SYT16: variants seen among roughly 807,000 people sequenced by gnomAD.
SYT16 encodes synaptotagmin 16, also known as synaptotagmin-16.
SYT16 carries 42 observed loss-of-function variants against 61.4 expected under a neutral mutation model. That is an observed-to-expected ratio of 0.68 (90% CI 0.53 to 0.89). The LOEUF is 0.89. Ranked by LOEUF, SYT16 falls within the 40% of genes least tolerant of loss-of-function variation. The pLI is 0.00. For synonymous variants in SYT16, 314 were observed against 302.3 expected (o/e 1.04, Z -0.40); for missense variants, 804 against 807.3 (o/e 1.00, Z 0.05).
chr14:62,100,800 T>C lies in SYT16; in HGVS notation c.*93T>C, dbSNP rs139195591. 892 of 1,332,896 alleles carry C rather than the reference T, an allele frequency of 6.7e-4. 6 individuals carry two copies. In the African/African-American group the frequency reaches 0.012, roughly 18 times the overall value. 82.6% of individuals were successfully genotyped at this position (1,332,896 alleles called of 1,614,324 possible). A position where few individuals can be genotyped will look rare whatever the true frequency, so the allele number is the denominator to read the frequency against. ...GTGTCCTGGCAAGGGTTTCAGGGTT[T>C]CAAAAACAGATTCCACTAACCCCTA... is the stretch of plus-strand genomic sequence containing the variant. On this transcript the variant is annotated 3_prime_UTR_variant, in exon 8 of 8. Transcript: ENST00000683842.
intron 1 of SYT16, among the ~76,000 whole-genome samples, chr14:61,842,916 A>G (rs2140255632): frequency 6.6e-6 from 1 of 152,310 alleles, no homozygotes; most frequent in African/African-American, 2.4e-5. Flanking sequence ...CCTAAAACTT[A>G]AAGTATAATA....
At chr14:61,993,769 A>G (rs780641904) in intron 2 of SYT16, among the ~76,000 whole-genome samples, 2 of 152,210 alleles carry the variant, frequency 1.3e-5, no homozygotes, top group Non-Finnish European at 2.9e-5. Context: ...TCTTTTTAAC[A>G]GTTCTGGATA....
rs374223050 is a variant in SYT16, at chr14:61,935,897, A to G, written c.-324-34235A>G. Among the ~76,000 whole-genome samples, 20 of 152,318 alleles carry G rather than the reference A, an allele frequency of 1.3e-4. No homozygotes were observed. The East Asian group carries it at 2.1e-3, about 16-fold the overall frequency. On this transcript the variant is annotated intron_variant, in intron 1 of 7. Coordinates refer to ENST00000683842, the MANE Select transcript of SYT16 (RefSeq NM_001367656.1). ...ATAGTACATTTTTTCATAATCATCA[A>G]TGTTTTAATACATTGAGTAAAGGGC...
At chr14:62,006,965 A>G (rs2053251069) in intron 3 of SYT16, among the ~76,000 whole-genome samples, 1 of 152,150 alleles carries the variant, frequency 6.6e-6, no homozygotes, top group South Asian at 2.1e-4. Flanking sequence ...AAAATATAGA[A>G]CAACAGGCTT....
intron 7 of SYT16, among the ~76,000 whole-genome samples, chr14:62,090,829 T>C (rs1318838810): frequency 6.6e-6 from 1 of 152,190 alleles, no homozygotes; most frequent in Non-Finnish European, 1.5e-5. Context: ...TCCACGTGGC[T>C]AGGGAGGCCT....
chr14:62,046,247 CT>C (rs1328546093), intron 3 of SYT16, among the ~76,000 whole-genome samples: 3 of 152,140 alleles, frequency 2.0e-5, no homozygotes, highest in African/African-American at 7.2e-5. Context: ...GTATAAATGT[CT>C]TCTTTTGAGA....
intron 3 of SYT16, among the ~76,000 whole-genome samples, chr14:62,030,388 G>C (rs1595200975): frequency 6.6e-6 from 1 of 152,200 alleles, no homozygotes; most frequent in South Asian, 2.1e-4. Context: ...TGATGTTGAT[G>C]TTATGCGATG....
rs540277311 is a variant in SYT16, at chr14:62,010,751, G to T, written c.523+14209G>T. On this transcript the variant is annotated intron_variant, in intron 3 of 7. Coordinates refer to ENST00000683842, the MANE Select transcript of SYT16 (RefSeq NM_001367656.1). ...TTTTTTGCGGGGAGGTGGGGGTGAG[G>T]ATAAACAAAGTTGAAACATCAAGCA... is the stretch of plus-strand genomic sequence containing the variant. Among the ~76,000 whole-genome samples, 59 of 152,106 alleles carry T rather than the reference G, an allele frequency of 3.9e-4. 1 individual carries two copies. The South Asian group carries it at 1.0e-2, about 26-fold the overall frequency.
At chr14:62,028,614 G>A (rs1395819472) in intron 3 of SYT16, among the ~76,000 whole-genome samples, 3 of 152,150 alleles carry the variant, frequency 2.0e-5, no homozygotes, top group African/African-American at 7.2e-5. Context: ...AATTATAAGT[G>A]TCAAAGTAGG....
At chr14:62,005,253 C>G (rs1221582517) in intron 3 of SYT16, among the ~76,000 whole-genome samples, 1 of 152,148 alleles carries the variant, frequency 6.6e-6, no homozygotes, top group Non-Finnish European at 1.5e-5. Flanking sequence ...CTAGGCTGCC[C>G]TTTTCCTAGT....
At chr14:61,878,998 C>T (rs1392182814) in intron 1 of SYT16, among the ~76,000 whole-genome samples, 1 of 152,074 alleles carries the variant, frequency 6.6e-6, no homozygotes, top group Admixed American at 6.5e-5. Context: ...CTCTAAACCC[C>T]CAGACTTCCC....
rs181831511 is a variant in SYT16, at chr14:61,998,134, A to G, written c.523+1592A>G. ...AACCTACCCAATATCCACATTTATT[A>G]TAGGAAGAAGCAGAGCTCAGGCAGT... On this transcript the variant is annotated intron_variant, in intron 3 of 7. Coordinates refer to ENST00000683842, the MANE Select transcript of SYT16 (RefSeq NM_001367656.1). Among the ~76,000 whole-genome samples, 6 of 152,168 alleles carry G rather than the reference A, an allele frequency of 3.9e-5. No homozygotes were observed. The East Asian group carries it at 1.2e-3, about 29-fold the overall frequency.
intron 1 of SYT16, among the ~76,000 whole-genome samples, chr14:61,813,928 G>T (rs541004945): frequency 3.9e-5 from 6 of 151,914 alleles, no homozygotes; most frequent in Admixed American, 2.6e-4. Context: ...CACAGCTTTA[G>T]GATAGTGTGG....
intron 5 of SYT16, among the ~76,000 whole-genome samples, chr14:62,075,687 A>G (rs965241597): frequency 4.6e-5 from 7 of 151,230 alleles, no homozygotes; most frequent in African/African-American, 1.7e-4. Context: ...TTTCTTTTAT[A>G]TAAAGGCTTT....
rs2057414299 is a variant in SYT16, at chr14:62,101,359, AAAAGAGT to A, written c.*653_*659del. ...GTTAGATGAATCATTTTGAAGCAAG[AAAAGAGT>A]TCAGAAACTACTGTTTTAAGACAAC... On this transcript the variant is annotated 3_prime_UTR_variant, in exon 8 of 8. Transcript: ENST00000683842. 1 of 152,154 alleles carries A rather than the reference AAAAGAGT, an allele frequency of 6.6e-6. No individual in the cohort carries two copies. The highest frequency in any genetic ancestry group is 1.5e-5 in the Non-Finnish European group (1 of 68,012). The allele number at this position is 152,154 out of a possible 1,614,324, so 9.4% of individuals were successfully genotyped here. A position where few individuals can be genotyped will look rare whatever the true frequency, so the allele number is the denominator to read the frequency against.
At chr14:61,934,945 C>T (rs1244687528) in intron 1 of SYT16, among the ~76,000 whole-genome samples, 1 of 152,066 alleles carries the variant, frequency 6.6e-6, no homozygotes, top group South Asian at 2.1e-4. Flanking sequence ...TACAGTTTTG[C>T]GAAAGAGTAT....
intron 1 of SYT16, among the ~76,000 whole-genome samples, chr14:61,931,584 C>T (rs2049771026): frequency 6.6e-6 from 1 of 152,246 alleles, no homozygotes. Flanking sequence ...TTTTCTACAG[C>T]CCTTTTAATG....
intron 1 of SYT16, among the ~76,000 whole-genome samples, chr14:61,955,032 T>C (rs1186483979): frequency 6.6e-6 from 1 of 152,150 alleles, no homozygotes; most frequent in East Asian, 1.9e-4. Flanking sequence ...GTTTTCAAGG[T>C]TCACCCATAA....
intron 1 of SYT16, among the ~76,000 whole-genome samples, chr14:61,956,523 A>C (rs2050881091): frequency 6.6e-6 from 1 of 151,904 alleles, no homozygotes; most frequent in African/African-American, 2.4e-5. Context: ...TTGCATGTGG[A>C]TATCCAATTT....
Sources: allele counts gnomAD v4.1 joint callset (sites outside exome capture counted in the v4.1 genomes callset), GRCh38; gene constraint gnomAD v4.1.1; transcripts MANE v1.5; gene names NCBI Gene and HGNC (gene_info 2026-07-23, HGNC 2026-07-21).